The following TBX20 variants were observed in gnomAD, a reference collection of about 807,000 sequenced individuals.
TBX20 encodes T-box transcription factor TBX20.
A neutral mutation model predicts 42.9 loss-of-function variants in TBX20; 8 were observed. The observed-to-expected ratio is 0.19, with a 90% confidence interval of 0.11 to 0.34. The LOEUF is 0.34. Ranked by LOEUF, TBX20 falls within the 10% of genes least tolerant of loss-of-function variation. TBX20 has a pLI of 1.00. For missense variants in TBX20, 411 were observed against 566.0 expected, an observed-to-expected ratio of 0.73 and a Z score of 2.78; for synonymous variants, 198 against 222.8, an observed-to-expected ratio of 0.89 and a Z score of 0.99.
chr7:35,223,862 A>G (rs1236492126), intron 6 of TBX20, among the ~76,000 whole-genome samples: 1 of 152,228 alleles, frequency 6.6e-6, no homozygotes, highest in African/African-American at 2.4e-5. Context: ...TCAAAAGACA[A>G]ATGGGGTCAA....
At chr7:35,240,741 C>T in intron 5 of TBX20, 138 bp downstream of exon 5, 1 of 770,228 alleles carries the variant, frequency 1.3e-6, no homozygotes, top group Non-Finnish European at 2.2e-6. Flanking sequence ...CTTAGAGTTC[C>T]TAGCCCTGAA....
chr7:35,227,639 T>C (rs946007009), intron 6 of TBX20, among the ~76,000 whole-genome samples: 10 of 152,148 alleles, frequency 6.6e-5, no homozygotes, highest in Non-Finnish European at 1.5e-4. Flanking sequence ...GTAAATACAC[T>C]CTATGACGTT....
chr7:35,242,452 G>GTA (rs1790101846), intron 4 of TBX20, among the ~76,000 whole-genome samples: 1 of 151,960 alleles, frequency 6.6e-6, no homozygotes, highest in South Asian at 2.1e-4. Context: ...CCAAATACTT[G>GTA]AATAAAGTTG....
At chr7:35,216,554 A>G (rs1212592544) in intron 6 of TBX20, among the ~76,000 whole-genome samples, 3 of 152,252 alleles carry the variant, frequency 2.0e-5, no homozygotes, top group African/African-American at 7.2e-5. Context: ...ATAAATGTTT[A>G]TAGATAACAA....
chr7:35,209,754 A>G (rs1264551157), intron 6 of TBX20, among the ~76,000 whole-genome samples: 1 of 152,084 alleles, frequency 6.6e-6, no homozygotes, highest in Non-Finnish European at 1.5e-5. Context: ...GAGGTTATTG[A>G]TTTGGGACCT....
intron 5 of TBX20, among the ~76,000 whole-genome samples, chr7:35,238,182 G>A (rs1212374657): frequency 6.6e-6 from 1 of 152,088 alleles, no homozygotes; most frequent in Non-Finnish European, 1.5e-5. Flanking sequence ...AATTCAAGTG[G>A]TGTCTTGCAC....
chr7:35,247,288 A>G (rs1790212187), intron 3 of TBX20, among the ~76,000 whole-genome samples: 1 of 152,004 alleles, frequency 6.6e-6, no homozygotes, highest in Non-Finnish European at 1.5e-5. Context: ...ATAATAGTAA[A>G]CTATTTAACA....
At chr7:35,205,426 C>T (rs1789384827) in intron 6 of TBX20, among the ~76,000 whole-genome samples, 1 of 151,534 alleles carries the variant, frequency 6.6e-6, no homozygotes, top group Admixed American at 6.6e-5. Context: ...GATTAGTCTG[C>T]ATGGCACACA....
At chr7:35,240,842 T>C (rs1448876496) in intron 5 of TBX20, 37 bp downstream of exon 5, 8 of 1,596,998 alleles carry the variant, frequency 5.0e-6, no homozygotes, top group Non-Finnish European at 6.9e-6. Context: ...TAAATCCTTC[T>C]CTTATGCAGG....
intron 6 of TBX20, among the ~76,000 whole-genome samples, chr7:35,215,399 C>A (rs1030961201): frequency 1.3e-5 from 2 of 152,114 alleles, no homozygotes; most frequent in Admixed American, 1.3e-4. Flanking sequence ...CTGTTTCCAG[C>A]AGAACGAGAA....
chr7:35,215,056 T>G (rs1357408963), intron 6 of TBX20, among the ~76,000 whole-genome samples: 1 of 152,208 alleles, frequency 6.6e-6, no homozygotes, highest in East Asian at 1.9e-4. Context: ...TTTAAATATC[T>G]TTCACATAAC....
intron 6 of TBX20, among the ~76,000 whole-genome samples, chr7:35,204,857 C>T (rs1306116021): frequency 1.3e-5 from 2 of 152,050 alleles, no homozygotes; most frequent in Non-Finnish European, 2.9e-5. Context: ...AAGGGGTGAA[C>T]AGGAGCTATG....
chr7:35,237,254 GA>G (rs1562564448), intron 5 of TBX20, among the ~76,000 whole-genome samples: 1 of 151,752 alleles, frequency 6.6e-6, no homozygotes, highest in African/African-American at 2.4e-5. Context: ...GAGGTGTTTA[GA>G]AAAAAATGTG....
rs576100785 is a variant in TBX20 at position 35,222,048 on chromosome 7, C to T, written c.890+9456G>A. ...AGAAATATCAATGTTACAATGATGT[C>T]CTACTGGAATTTAAAGGCAATAATT... is the stretch of plus-strand genomic sequence containing the variant. On this transcript the variant is annotated intron_variant, in intron 6 of 7. Coordinates refer to ENST00000408931, the MANE Select transcript of TBX20 (RefSeq NM_001077653.2). Among the ~76,000 whole-genome samples the T allele has an allele frequency of 3.4e-4, 51 of 152,000 alleles. 1 individual carries two copies. The highest frequency in any genetic ancestry group is 1.2e-3 in the African/African-American group (51 of 41,458).
chr7:35,209,618 T>C (rs1028574791), intron 6 of TBX20, among the ~76,000 whole-genome samples: 3 of 152,164 alleles, frequency 2.0e-5, no homozygotes, highest in Non-Finnish European at 4.4e-5. Flanking sequence ...TTTTTGTTCA[T>C]TGATTTTTCT....
chr7:35,207,372 T>C (rs1198284288), intron 6 of TBX20, among the ~76,000 whole-genome samples: 1 of 152,228 alleles, frequency 6.6e-6, no homozygotes, highest in East Asian at 1.9e-4. Context: ...TTTCTTTTTA[T>C]ATTCTGGGCA....
chr7:35,220,510 A>G (rs1213711390), intron 6 of TBX20, among the ~76,000 whole-genome samples: 2 of 152,194 alleles, frequency 1.3e-5, no homozygotes, highest in Non-Finnish European at 2.9e-5. Flanking sequence ...CCTTTTTCAG[A>G]AACTACTTCC....
At position 35,253,757 on chromosome 7, in the gene TBX20, T is replaced by A; in HGVS notation, c.-137A>T. On this transcript the variant is annotated 5_prime_UTR_variant, in exon 1 of 8. Transcript: ENST00000408931. ...AGCGGGGCCAGGGACTCCAGAAGTG[T>A]CAGCTCCAACGACTCCAGAGCTGCA... 2 of 1,136,746 alleles carry A rather than the reference T, an allele frequency of 1.8e-6. No homozygotes were observed. Among genetic ancestry groups the A allele is most frequent in the Non-Finnish European group, 2.5e-6 (2 of 808,918 alleles). 70.4% of individuals were successfully genotyped at this position (1,136,746 alleles called of 1,614,324 possible). A position where few individuals can be genotyped will look rare whatever the true frequency, so the allele number is the denominator to read the frequency against.
intron 6 of TBX20, among the ~76,000 whole-genome samples, chr7:35,219,938 T>C (rs1789652860): frequency 1.3e-5 from 2 of 152,212 alleles, no homozygotes; most frequent in Admixed American, 6.5e-5. Context: ...TCAGTGCAAG[T>C]GGTTTTAAAG....
Sources: gnomAD v4.1 joint callset for allele counts (sites outside exome capture counted in the v4.1 genomes callset) on GRCh38, gnomAD v4.1.1 for gene constraint, MANE v1.5 for transcripts, NCBI Gene and HGNC (gene_info 2026-07-23, HGNC 2026-07-21) for gene names.